The following FAT3 variants were observed in gnomAD, a reference collection of about 807,000 sequenced individuals.
FAT3 encodes the protein protocadherin Fat 3.
In FAT3, 95 loss-of-function variants were observed where a neutral mutation model predicts 310.2. The observed-to-expected ratio is 0.31, with a 90% CI of 0.26 to 0.36. The LOEUF is 0.36. Among genes scored for constraint, FAT3 ranks in the 10% least tolerant of loss-of-function variants. The pLI, the probability that FAT3 is intolerant of heterozygous loss-of-function variation, is 1.00. For missense variants in FAT3, 5,408 were observed against 5,715.6 expected (o/e 0.95, Z 1.74); for synonymous variants, 2,314 against 2,192.9 (o/e 1.06, Z -1.54).
At chr11:92,659,985 T>C (rs1026941999) in intron 3 of FAT3, among the ~76,000 whole-genome samples, 19 of 152,168 alleles carry the variant, frequency 1.2e-4, no homozygotes, top group African/African-American at 4.6e-4. Context: ...GGTTTTCGCT[T>C]AGCCAAATGT....
At chr11:92,563,369 T>C (rs908333720) in intron 3 of FAT3, among the ~76,000 whole-genome samples, 5 of 152,204 alleles carry the variant, frequency 3.3e-5, no homozygotes, top group Admixed American at 6.5e-5. Flanking sequence ...TGTACTCTTA[T>C]AAGTAAAACA....
Position 92,887,106 on chromosome 11 carries a change from C to T in FAT3, c.13044C>T (p.Asp4348=), listed in dbSNP as rs1008161087. Reference sequence around the variant, plus strand: ...GCTCCTTCCAGTCAGATTCTGGTGACGACAATGGTAAGAAGTCATCAGATT... The same window carrying T: ...GCTCCTTCCAGTCAGATTCTGGTGATGACAATGGTAAGAAGTCATCAGATT... The part of the protein sequence containing the change: ...SLSSFQSDSG[D]DNASIVTVIQ... The change falls in exon 25 of 28, where the codon GAC becomes GAT. Residue 4348 remains aspartate (D), a synonymous_variant. Coordinates refer to ENST00000525166, the MANE Select transcript of FAT3 (RefSeq NM_001367949.2). 24 of 1,608,842 alleles carry T rather than the reference C, an allele frequency of 1.5e-5. No individual in the cohort carries two copies. The highest frequency in any genetic ancestry group is 1.7e-5 in the Non-Finnish European group (20 of 1,177,736).
At chr11:92,385,051 A>G (rs952706323) in intron 2 of FAT3, among the ~76,000 whole-genome samples, 1 of 152,186 alleles carries the variant, frequency 6.6e-6, no homozygotes, top group Admixed American at 6.5e-5. Context: ...GCATGGGCAC[A>G]CCTAATGCCT....
At chr11:92,614,649 G>A (rs1940717124) in intron 3 of FAT3, among the ~76,000 whole-genome samples, 1 of 152,080 alleles carries the variant, frequency 6.6e-6, no homozygotes. Flanking sequence ...TATTTCTCCT[G>A]ATCAATGCAT....
chr11:92,610,369 A>C (rs983527971), intron 3 of FAT3, among the ~76,000 whole-genome samples: 9 of 152,280 alleles, frequency 5.9e-5, no homozygotes, highest in African/African-American at 2.2e-4. Flanking sequence ...GCCTTCAAAC[A>C]GGTTTGTGTT....
chr11:92,820,919 C>T (rs914555385), intron 13 of FAT3, among the ~76,000 whole-genome samples: 11 of 152,138 alleles, frequency 7.2e-5, no homozygotes, highest in African/African-American at 2.7e-4. Context: ...TTCACAGGTT[C>T]TACTCTCCAA....
At chr11:92,602,718 T>C (rs1354175263) in intron 3 of FAT3, among the ~76,000 whole-genome samples, 2 of 152,334 alleles carry the variant, frequency 1.3e-5, no homozygotes, top group Non-Finnish European at 2.9e-5. Flanking sequence ...GTTTGCTTTG[T>C]TGTTAAACAG....
intron 3 of FAT3, among the ~76,000 whole-genome samples, chr11:92,575,703 C>T (rs1329721077): frequency 2.0e-5 from 3 of 152,096 alleles, no homozygotes; most frequent in African/African-American, 4.8e-5. Flanking sequence ...GAAGTGATAA[C>T]GTGAATAAAT....
In FAT3 at chr11:92,844,480, G is replaced by A; in HGVS notation, c.11113G>A (p.Val3705Met). ...GTNQLDMLFA[V>M]EMHSSEFYKP... ...CAACCAACTGGACATGCTGTTTGCG[G>A]TGGAGATGCACAGCAGCGAGTTCTA... Residue 3705 changes from valine to methionine, a missense_variant, in exon 19 of 28, where the codon GTG (valine) becomes ATG (methionine). Val to Met is a conservative substitution (Grantham distance 21, BLOSUM62 1). This residue lies in a region of FAT3 where 4,588 missense variants were observed against 4,809.8 expected (regional missense o/e 0.95). Transcript: ENST00000525166. 2 of 1,613,944 alleles carry A rather than the reference G, an allele frequency of 1.2e-6. No individual in the cohort carries two copies. Among genetic ancestry groups the A allele is most frequent in the Non-Finnish European group, 1.7e-6 (2 of 1,179,868 alleles).
chr11:92,478,383 A>G (rs931843311), intron 2 of FAT3, among the ~76,000 whole-genome samples: 1 of 152,126 alleles, frequency 6.6e-6, no homozygotes, highest in Non-Finnish European at 1.5e-5. Flanking sequence ...TAACTTCAAC[A>G]TGAAGCTTGG....
intron 1 of FAT3, among the ~76,000 whole-genome samples, chr11:92,310,372 C>T (rs1947265914): frequency 6.6e-6 from 1 of 152,088 alleles, no homozygotes; most frequent in Non-Finnish European, 1.5e-5. Flanking sequence ...GATAAATATA[C>T]ATTACTAATT....
intron 2 of FAT3, among the ~76,000 whole-genome samples, chr11:92,398,587 A>T (rs569317359): frequency 1.1e-4 from 17 of 151,270 alleles, no homozygotes. Flanking sequence ...TTTTATTTTT[A>T]ACTTGATTGC....
rs375420580 is a variant in FAT3 at position 92,710,593 on chromosome 11, GATTTTTTATTTAGC to G, written c.3669+13157_3669+13170del. ...TTTGGTATCAGCCAGAACAGAATGG[GATTTTTTATTTAGC>G]ATTTTTTACAACAGAAGGTGTTGTT... On this transcript the variant is annotated intron_variant, in intron 4 of 27. Coordinates refer to ENST00000525166, the MANE Select transcript of FAT3 (RefSeq NM_001367949.2). Among the ~76,000 whole-genome samples, 1,267 of 152,294 alleles carry G rather than the reference GATTTTTTATTTAGC, an allele frequency of 8.3e-3. 27 individuals carry two copies. The highest frequency in any genetic ancestry group is 0.029 in the African/African-American group (1,206 of 41,554).
At chr11:92,549,518 G>A (rs934118500) in intron 3 of FAT3, among the ~76,000 whole-genome samples, 2 of 152,196 alleles carry the variant, frequency 1.3e-5, no homozygotes, top group African/African-American at 4.8e-5. Flanking sequence ...GTGAGACTCA[G>A]TTTATGGTAG....
chr11:92,415,849 CTTTTTTTT>C (rs1196695394), intron 2 of FAT3, among the ~76,000 whole-genome samples: 4 of 70,404 alleles, frequency 5.7e-5, no homozygotes, highest in African/African-American at 1.6e-4. Context: ...AGCATTTTTG[CTTTTTTTT>C]TTTTTTTTTT....
At chr11:92,657,453 C>G (rs900201105) in intron 3 of FAT3, among the ~76,000 whole-genome samples, 9 of 152,194 alleles carry the variant, frequency 5.9e-5, no homozygotes, top group African/African-American at 2.2e-4. Context: ...CAGCCCCGGA[C>G]TCTGAGGTAG....
At position 92,512,035 on chromosome 11, in the gene FAT3, T is replaced by C. The variant is rs553981119; in HGVS notation, c.3293-12599T>C. Among the ~76,000 whole-genome samples the C allele has an allele frequency of 3.3e-5, 5 of 152,222 alleles. No homozygotes were observed. The East Asian group carries it at 9.7e-4, about 29-fold the overall frequency. On this transcript the variant is annotated intron_variant, in intron 2 of 27. Transcript: ENST00000525166. ...GTGGATAGATCAGCAGCATACCTCA[T>C]GTAATGAAAAGAATGTGTGACTTCT...
At chr11:92,820,062 A>G (rs1281568495) in intron 13 of FAT3, among the ~76,000 whole-genome samples, 2 of 152,146 alleles carry the variant, frequency 1.3e-5, no homozygotes, top group African/African-American at 4.8e-5. Flanking sequence ...ATCACTTCAG[A>G]GATTAGGTTA....
intron 3 of FAT3, among the ~76,000 whole-genome samples, chr11:92,597,984 G>C (rs1263545756): frequency 6.6e-6 from 1 of 152,000 alleles, no homozygotes; most frequent in African/African-American, 2.4e-5. Flanking sequence ...GGGGATTGGG[G>C]AATGATCAAA....
Sources: gnomAD v4.1 joint callset for allele counts (sites outside exome capture counted in the v4.1 genomes callset) on GRCh38, gnomAD v4.1.1 for gene constraint, gnomAD v4.1.1 regional missense constraint, MANE v1.5 for transcripts, NCBI Gene and HGNC (gene_info 2026-07-23, HGNC 2026-07-21) for gene names.